Variants in BAHD1 observed in about 807,000 individuals in gnomAD.
BAHD1 encodes the protein bromo adjacent homology domain-containing 1 protein.
Under a neutral mutation model 63.1 loss-of-function variants are expected in BAHD1, and 20 were observed. The observed-to-expected ratio is 0.32, with a 90% CI of 0.22 to 0.46. BAHD1 has a LOEUF of 0.46. Ranked by LOEUF, BAHD1 falls within the 20% of genes least tolerant of loss-of-function variation. The pLI is 1.00. For missense variants in BAHD1, 939 were observed against 1,071.8 expected, an observed-to-expected ratio of 0.88 and a Z score of 1.73; for synonymous variants, 408 against 426.8, an observed-to-expected ratio of 0.96 and a Z score of 0.54.
At chr15:40,440,275 C>T (rs893460837), upstream of BAHD1, among the ~76,000 whole-genome samples, 1 of 152,020 alleles carries the variant, frequency 6.6e-6, no homozygotes, top group Non-Finnish European at 1.5e-5. Flanking sequence ...ACCGACCTTG[C>T]TGGAAAGGAA....
chr15:40,439,189 G>A (rs2141453987), upstream of BAHD1, among the ~76,000 whole-genome samples: 1 of 152,338 alleles, frequency 6.6e-6, no homozygotes, highest in South Asian at 2.1e-4. Flanking sequence ...AGAAGTGGCA[G>A]TGGGAGAACC....
At chr15:40,452,149 A>C (rs1893723817) in intron 1 of BAHD1, among the ~76,000 whole-genome samples, 1 of 152,260 alleles carries the variant, frequency 6.6e-6, no homozygotes, top group Admixed American at 6.5e-5. Context: ...AATTCCTTTC[A>C]GCTGCACTTC....
chr15:40,465,978 C>T lies in BAHD1; in HGVS notation c.2191C>T (p.Pro731Ser). 2.5e-6 allele frequency: 4 copies of T among 1,607,238 alleles called. No individual in the cohort carries two copies. The highest frequency in any genetic ancestry group is 3.4e-6 in the Non-Finnish European group (4 of 1,176,820). The change falls in exon 7 of 7, where the codon CCC becomes TCC. Residue 731 changes from proline to serine, a missense_variant. Physicochemically the swap from Pro to Ser is moderately conservative, Grantham distance 74. This residue lies in a region of BAHD1 where 68 missense variants were observed against 86.2 expected (regional missense o/e 0.79). Coordinates refer to ENST00000416165, the MANE Select transcript of BAHD1 (RefSeq NM_014952.5). ...GGCCAAGCGCCGAGGTGAAGGCCTC[C>T]CCAGCCGAAAGACAGCACTGGTTCC... ...AMAKRRGEGL[P>S]SRKTALVPPS...
chr15:40,463,809 T>G, intron 3 of BAHD1, 52 bp from the exon 4 acceptor site: 1 of 1,600,758 alleles, frequency 6.2e-7, no homozygotes, highest in East Asian at 2.2e-5. Flanking sequence ...TCTCTGTCCT[T>G]ACTCTGAGTG....
Position 40,467,134 on chromosome 15 carries a change from C to G in BAHD1, c.*1004C>G, listed in dbSNP as rs1344195721. ...ATTTACATCCTAGCAAGAATCAACA[C>G]TGTATCAGTCCACGGACCTGCTGAG... On this transcript the variant is annotated 3_prime_UTR_variant, in exon 7 of 7. Transcript: ENST00000416165. 1 of 152,692 alleles carries G rather than the reference C, an allele frequency of 6.5e-6. No homozygotes were observed. Among genetic ancestry groups the G allele is most frequent in the African/African-American group, 2.4e-5 (1 of 41,460 alleles). The allele number at this position is 152,692 out of a possible 1,614,324, so 9.5% of individuals were successfully genotyped here. A position where few individuals can be genotyped will look rare whatever the true frequency, so the allele number is the denominator to read the frequency against.
chr15:40,465,577 CT>C, intron 6 of BAHD1, 142 bp downstream of exon 6: 3 of 702,746 alleles, frequency 4.3e-6, no homozygotes. Flanking sequence ...CCAGAACTTA[CT>C]TCCCTATTGC....
chr15:40,438,025 C>T (rs571481781), upstream of BAHD1, among the ~76,000 whole-genome samples: 7 of 152,286 alleles, frequency 4.6e-5, no homozygotes, highest in South Asian at 6.2e-4. Context: ...GGAAAGACTC[C>T]GGAGACCCGA....
At chr15:40,453,444 T>C (rs1893762506) in intron 1 of BAHD1, 1 of 152,228 alleles carries the variant, frequency 6.6e-6, no homozygotes, top group African/African-American at 2.4e-5. Context: ...AGAAATTCAG[T>C]GCTCATGACA....
Position 40,464,039 on chromosome 15 carries a change from G to A in BAHD1, c.1975+19G>A, listed in dbSNP as rs372507246. The A allele has an allele frequency of 1.2e-6, 2 of 1,612,448 alleles. No homozygotes were observed. Among genetic ancestry groups the A allele is most frequent in the Non-Finnish European group, 1.7e-6 (2 of 1,179,220 alleles). ...GAGTCAGGTACCTCTCCCTCTGGCT[G>A]GGGACCCAAGGGGCAGCTGCCTTCA... On this transcript the variant is annotated intron_variant, in intron 4 of 6. Transcript: ENST00000416165.
chr15:40,437,620 G>A (rs902882589), upstream of BAHD1, among the ~76,000 whole-genome samples: 1 of 152,202 alleles, frequency 6.6e-6, no homozygotes, highest in African/African-American at 2.4e-5. Context: ...CAGGTGCTCT[G>A]GGGGTTGGGA....
rs1158128766 is a variant in BAHD1, at chr15:40,441,248, C to G, written c.-35C>G. 1 of 151,606 alleles carries G rather than the reference C, an allele frequency of 6.6e-6. No homozygotes were observed. Among genetic ancestry groups the G allele is most frequent in the South Asian group, 2.1e-4 (1 of 4,834 alleles). 9.4% of individuals were successfully genotyped at this position (151,606 alleles called of 1,614,324 possible). On this transcript the variant is annotated 5_prime_UTR_variant, in exon 1 of 7. Transcript: ENST00000416165. ...GGGCCTGCGGGCGCCCAGAGCCGCG[C>G]CGTCCGCGCCGCCCGTTCTGGTGAG...
upstream of BAHD1, among the ~76,000 whole-genome samples, chr15:40,438,112 G>A (rs1893314863): frequency 6.6e-6 from 1 of 152,216 alleles, no homozygotes; most frequent in African/African-American, 2.4e-5. Flanking sequence ...AAACATACCA[G>A]GGAGAGGAAA....
At chr15:40,437,983 G>C (rs1893312613), upstream of BAHD1, among the ~76,000 whole-genome samples, 1 of 152,214 alleles carries the variant, frequency 6.6e-6, no homozygotes, top group South Asian at 2.1e-4. Context: ...GAGGTGTCTG[G>C]GGAGAGAGAG....
chr15:40,446,846 C>T (rs1200070414), intron 1 of BAHD1, among the ~76,000 whole-genome samples: 7 of 152,112 alleles, frequency 4.6e-5, no homozygotes. Context: ...GGGATCTCAC[C>T]TGGAGTGCTG....
chr15:40,437,892 C>T (rs1006410378), upstream of BAHD1, among the ~76,000 whole-genome samples: 5 of 152,128 alleles, frequency 3.3e-5, no homozygotes, highest in Admixed American at 6.5e-5. Flanking sequence ...GGGAAGGGTG[C>T]GCCGCGTGGT....
chr15:40,446,741 C>T (rs1247469432), intron 1 of BAHD1, among the ~76,000 whole-genome samples: 3 of 152,146 alleles, frequency 2.0e-5, no homozygotes, highest in Non-Finnish European at 2.9e-5. Context: ...TGCATGTGTT[C>T]CTTTTCCAGT....
upstream of BAHD1, among the ~76,000 whole-genome samples, chr15:40,438,167 G>A (rs1893316044): frequency 2.0e-5 from 3 of 150,314 alleles, no homozygotes; most frequent in South Asian, 2.2e-4. Context: ...GTGAAGTGGG[G>A]TGGAGGCAGC....
intron 2 of BAHD1, 115 bp from the exon 3 acceptor site, chr15:40,461,797 C>T: frequency 7.4e-7 from 1 of 1,350,444 alleles, no homozygotes. Flanking sequence ...TCCCATCGGC[C>T]ACCTCAGTGG....
At chr15:40,443,534 C>T (rs1893459299) in intron 1 of BAHD1, among the ~76,000 whole-genome samples, 1 of 152,168 alleles carries the variant, frequency 6.6e-6, no homozygotes, top group Non-Finnish European at 1.5e-5. Flanking sequence ...GCATTTCCCT[C>T]TTTGGTAGGG....
Sources: allele counts gnomAD v4.1 joint callset (sites outside exome capture counted in the v4.1 genomes callset), GRCh38; gene constraint gnomAD v4.1.1; regional missense constraint gnomAD v4.1.1; transcripts MANE v1.5; gene names NCBI Gene and HGNC (gene_info 2026-07-23, HGNC 2026-07-21).